F10: variants seen among roughly 807,000 people sequenced by gnomAD.
F10 encodes the protein coagulation factor X, also known as Stuart-Prower factor.
A neutral mutation model predicts 37.1 loss-of-function variants in F10; 29 were observed. The observed-to-expected ratio is 0.78, with a 90% CI of 0.58 to 1.07. The LOEUF (loss-of-function observed/expected upper bound fraction) is 1.07. F10 is among the 50% of genes least tolerant of loss of function. The pLI, the probability that F10 is intolerant of heterozygous loss-of-function variation, is 0.00. For synonymous variants in F10, 262 were observed against 268.6 expected (o/e 0.98, Z 0.24); for missense variants, 539 against 667.9 (o/e 0.81, Z 2.13).
In F10 at chr13:113,144,881, A is replaced by T. The variant is rs1195688259; in HGVS notation, c.747+786A>T. 7.9e-6 allele frequency among the ~76,000 whole-genome samples: 1 copy of T among 125,834 alleles called. No homozygotes were observed. Among genetic ancestry groups the T allele is most frequent in the Non-Finnish European group, 1.7e-5 (1 of 59,962 alleles). The allele number at this position is 125,834 out of a possible 152,430, so 82.6% of individuals were successfully genotyped here. A position where few individuals can be genotyped will look rare whatever the true frequency, so the allele number is the denominator to read the frequency against. The stretch of plus-strand genomic sequence containing the variant: ...GGCGCCCGCTACTTACGCCTGGCTA[A>T]TTTTTTTTTTTTTTTGAGACGGAGT... On this transcript the variant is annotated intron_variant, in intron 6 of 7. Coordinates refer to ENST00000375559, the MANE Select transcript of F10 (RefSeq NM_000504.4). The surrounding 1 kb of genome is among the most constrained non-coding windows in gnomAD (Gnocchi z 6.4).
chr13:113,140,480 G>A (rs1221365291), intron 4 of F10: 1 of 471,960 alleles, frequency 2.1e-6, no homozygotes, highest in South Asian at 1.6e-5. Context: ...GTCCGCAGTC[G>A]CCTCCCTGGA....
At position 113,141,850 on chromosome 13, in the gene F10, G is replaced by A. The variant is rs1243106389; in HGVS notation, c.502+800G>A. 6.6e-6 allele frequency among the ~76,000 whole-genome samples: 1 copy of A among 152,198 alleles called. No individual in the cohort carries two copies. Among genetic ancestry groups the A allele is most frequent in the Admixed American group, 6.5e-5 (1 of 15,292 alleles). On this transcript the variant is annotated intron_variant, in intron 5 of 7. Transcript: ENST00000375559. The surrounding 1 kb of genome is among the most constrained non-coding windows in gnomAD (Gnocchi z 5.4). ...GCATATTCGAAGGGCAGAGTTCCAG[G>A]CCCGCCTTTTCAAGAGCCTGGTGAC... is the stretch of plus-strand genomic sequence containing the variant.
chr13:113,134,491 TA>T (rs903541085), intron 2 of F10, among the ~76,000 whole-genome samples: 1 of 151,874 alleles, frequency 6.6e-6, no homozygotes, highest in South Asian at 2.1e-4. Flanking sequence ...GGAATCCTCT[TA>T]AAAAAAATCA....
intron 6 of F10, among the ~76,000 whole-genome samples, chr13:113,145,613 A>G (rs964772411): frequency 3.3e-5 from 5 of 152,196 alleles, no homozygotes; most frequent in African/African-American, 1.2e-4. Flanking sequence ...CATACCCGAG[A>G]CTGGGTAATT....
intron 2 of F10, among the ~76,000 whole-genome samples, chr13:113,133,286 TCAAA>T (rs913736742): frequency 2.0e-5 from 3 of 151,170 alleles, no homozygotes; most frequent in Admixed American, 6.6e-5. Context: ...CTGATGAAAC[TCAAA>T]CAAGACTGAC....
At chr13:113,135,272 G>T (rs2036468502) in intron 2 of F10, among the ~76,000 whole-genome samples, 1 of 151,504 alleles carries the variant, frequency 6.6e-6, no homozygotes, top group Non-Finnish European at 1.5e-5. Context: ...AGAAAAGAAA[G>T]AATTGTCTTT....
chr13:113,147,487 G>A lies in F10; in HGVS notation c.856G>A (p.Val286Met). 1.2e-6 allele frequency: 2 copies of A among 1,611,066 alleles called. No homozygotes were observed. Among genetic ancestry groups the A allele is most frequent in the Non-Finnish European group, 1.7e-6 (2 of 1,177,132 alleles). ...TCTCTACCAAGCCAAGAGATTCAAG[G>A]TGAGGGTAGGTAAGTGACCAACAGC... The part of the protein sequence containing the change: ...HCLYQAKRFK[V>M]RVGDRNTEQE... Residue 286 changes from valine to methionine, a missense_variant, in exon 7 of 8, where the codon GTG becomes ATG. This residue lies in a region of F10 where 409 missense variants were observed against 547.9 expected (regional missense o/e 0.75). Transcript: ENST00000375559.
In F10 at chr13:113,142,767, A is replaced by ATAC. The variant is rs1387945116; in HGVS notation, c.503-1084_503-1083insTAC. On this transcript the variant is annotated intron_variant, in intron 5 of 7. Coordinates refer to ENST00000375559, the MANE Select transcript of F10 (RefSeq NM_000504.4). ...ATGGTGAAACCCTGTCTCTATAAAAAAAAAAATACAAAAACTTAGCTGGGC... is the reference window on the plus strand; with the variant it reads ...ATGGTGAAACCCTGTCTCTATAAAAATACAAAAAATACAAAAACTTAGCTGGGC... Among the ~76,000 whole-genome samples, 2 of 123,734 alleles carry ATAC rather than the reference A, an allele frequency of 1.6e-5. 1 individual carries two copies. 81.2% of individuals were successfully genotyped at this position (123,734 alleles called of 152,430 possible).
chr13:113,130,361 C>T (rs1013742903), intron 2 of F10: 2 of 153,464 alleles, frequency 1.3e-5, no homozygotes, highest in Non-Finnish European at 2.9e-5. Context: ...GGGCTTCGAA[C>T]GAACCTGGAA....
rs1256617593 is a variant in F10, at chr13:113,148,359, T to TAC, written c.866-556_866-555insCA. On this transcript the variant is annotated intron_variant, in intron 7 of 7. Coordinates refer to ENST00000375559, the MANE Select transcript of F10 (RefSeq NM_000504.4). ...AAAAAAAAAAAAATATATATATATA[T>TAC]ATATGTATATATATATGTGTATATA... is the stretch of plus-strand genomic sequence containing the variant. Among the ~76,000 whole-genome samples the TAC allele has an allele frequency of 1.1e-4, 11 of 99,060 alleles. No homozygotes were observed. The East Asian group carries it at 2.3e-3, about 21-fold the overall frequency. The allele number at this position is 99,060 out of a possible 152,430, so 65.0% of individuals were successfully genotyped here.
rs918582859 is a variant in F10 at position 113,126,086 on chromosome 13, G to A, written c.70+3161G>A. Reference sequence around the variant, plus strand: ...AGTGTTGGGCTCAGCCAGGGTCAGCGCAGAGCCCAGTGTGGCAGAGAGAGG... The same window carrying A: ...AGTGTTGGGCTCAGCCAGGGTCAGCACAGAGCCCAGTGTGGCAGAGAGAGG... On this transcript the variant is annotated intron_variant, in intron 1 of 7. Transcript: ENST00000375559. Among the ~76,000 whole-genome samples the A allele has an allele frequency of 7.2e-5, 11 of 152,160 alleles. No homozygotes were observed. The East Asian group carries it at 1.2e-3, about 16-fold the overall frequency.
intron 1 of F10, among the ~76,000 whole-genome samples, chr13:113,125,974 G>A (rs540276284): frequency 2.6e-5 from 4 of 152,298 alleles, no homozygotes; most frequent in African/African-American, 4.8e-5. Flanking sequence ...AGGGTGTCTC[G>A]GAGGGCGCTG....
rs768448757 is a variant in F10 at position 113,149,477 on chromosome 13, G to A, written c.1427G>A (p.Ser476Asn). 6 of 1,613,174 alleles carry A rather than the reference G, an allele frequency of 3.7e-6. No individual in the cohort carries two copies. In the Admixed American group the frequency reaches 8.3e-5, roughly 22 times the overall value. The stretch of plus-strand genomic sequence containing the variant: ...ACCAGGGGCTTGCCCAAGGCCAAGA[G>A]CCATGCCCCGGAGGTCATAACGTCC... Reference protein sequence around the residue: ...MKTRGLPKAKSHAPEVITSSP... With the variant: ...MKTRGLPKAKNHAPEVITSSP... Residue 476 changes from serine (S) to asparagine (N), a missense_variant, in exon 8 of 8, where the codon AGC becomes AAC. By Grantham distance (46) the Ser-to-Asn change is conservative. Around this residue, in one of 2 missense-constraint regions of F10, gnomAD observed 409 missense variants for 547.9 expected, o/e 0.75. Coordinates refer to ENST00000375559, the MANE Select transcript of F10 (RefSeq NM_000504.4). This position sits in a 1 kb window ranked among gnomAD's most constrained non-coding sequence, Gnocchi z 7.5.
At chr13:113,125,626 G>A (rs1595086076) in intron 1 of F10, among the ~76,000 whole-genome samples, 3 of 152,236 alleles carry the variant, frequency 2.0e-5, no homozygotes, top group Admixed American at 6.5e-5. Context: ...ATCAGAAAGT[G>A]TGGCCACGTG....
In F10 at chr13:113,147,461, G is replaced by C; in HGVS notation, c.830G>C (p.Cys277Ser). Residue 277 changes from cysteine to serine, a missense_variant, in exon 7 of 8, where the codon TGT (cysteine) becomes TCT (serine). Cys to Ser is a moderately radical substitution (Grantham distance 112, BLOSUM62 -1). This residue lies in a region of F10 where 409 missense variants were observed against 547.9 expected (regional missense o/e 0.75). Transcript: ENST00000375559. ...SEFYILTAAH[C>S]LYQAKRFKVR... ...TTCTACATCCTAACGGCAGCCCACT[G>C]TCTCTACCAAGCCAAGAGATTCAAG... 1 of 1,613,896 alleles carries C rather than the reference G, an allele frequency of 6.2e-7. No homozygotes were observed. The highest frequency in any genetic ancestry group is 8.5e-7 in the Non-Finnish European group (1 of 1,179,806).
intron 2 of F10, among the ~76,000 whole-genome samples, chr13:113,136,060 ACACT>A (rs2036475523): frequency 6.6e-6 from 1 of 152,208 alleles, no homozygotes; most frequent in African/African-American, 2.4e-5. Flanking sequence ...AAGAAAATAA[ACACT>A]CAGTTAAACA....
chr13:113,129,633 G>T, intron 2 of F10, 21 bp downstream of exon 2: 1 of 1,613,836 alleles, frequency 6.2e-7, no homozygotes, highest in South Asian at 1.1e-5. Flanking sequence ...GGGATAGCCT[G>T]GCTGTTGGTA....
Position 113,149,316 on chromosome 13 carries a change from G to C in F10, c.1266G>C (p.Pro422=). The change falls in exon 8 of 8, where the codon CCG becomes CCC. Residue 422 remains proline, a synonymous_variant. Transcript: ENST00000375559. The surrounding 1 kb of genome is among the most constrained non-coding windows in gnomAD (Gnocchi z 7.5). ...EDACQGDSGG[P]HVTRFKDTYF... ...CCTGCCAGGGGGACAGCGGGGGCCC[G>C]CACGTCACCCGCTTCAAGGACACCT... The C allele has an allele frequency of 6.2e-7, 1 of 1,613,208 alleles. No homozygotes were observed. The highest frequency in any genetic ancestry group is 1.1e-5 in the South Asian group (1 of 91,088).
At chr13:113,142,997 C>A (rs541105697) in intron 5 of F10, among the ~76,000 whole-genome samples, 1 of 152,226 alleles carries the variant, frequency 6.6e-6, no homozygotes, top group African/African-American at 2.4e-5. Context: ...GTGGTGACTG[C>A]ACACATGGAC....
Sources: allele counts gnomAD v4.1 joint callset (sites outside exome capture counted in the v4.1 genomes callset), GRCh38; gene constraint gnomAD v4.1.1; regional missense constraint gnomAD v4.1.1; non-coding constraint Gnocchi (gnomAD v3.1); transcripts MANE v1.5; gene names NCBI Gene and HGNC (gene_info 2026-07-23, HGNC 2026-07-21).